Variants in GNA14 observed in about 807,000 individuals in gnomAD.
The protein encoded by GNA14 is G protein subunit alpha 14.
GNA14 carries 50 observed loss-of-function variants against 42.0 expected under a neutral mutation model. The observed-to-expected ratio is 1.19, with a 90% CI of 0.95 to 1.51. The LOEUF (loss-of-function observed/expected upper bound fraction) is 1.51. GNA14 is among the 40% of genes most tolerant of loss of function. The pLI, the probability that GNA14 is intolerant of heterozygous loss-of-function variation, is 0.00. For missense variants in GNA14, 473 were observed against 446.2 expected (o/e 1.06, Z -0.54); for synonymous variants, 173 against 163.1 (o/e 1.06, Z -0.46).
intron 1 of GNA14, among the ~76,000 whole-genome samples, chr9:77,570,860 T>A (rs185375339): frequency 4.6e-5 from 7 of 151,086 alleles, no homozygotes; most frequent in African/African-American, 1.5e-4. Context: ...ACTGGAAATA[T>A]CTGAGCTCTC....
rs1466949356 is a variant in GNA14 at position 77,529,234 on chromosome 9, T to C, written c.144A>G (p.Lys48=). 1 of 1,613,978 alleles carries C rather than the reference T, an allele frequency of 6.2e-7. No homozygotes were observed. Among genetic ancestry groups the C allele is most frequent in the Non-Finnish European group, 8.5e-7 (1 of 1,179,898 alleles). The change falls in exon 2 of 7, where the codon AAA becomes AAG. Residue 48 remains lysine (K), a synonymous_variant. Coordinates refer to ENST00000341700, the MANE Select transcript of GNA14 (RefSeq NM_004297.4). The part of the protein sequence containing the change: ...LLLLGTGESG[K]STFIKQMRII... ...TTCTCATCTGCTTGATAAAGGTGCT[T>C]TTCCCACTTTCACCAGTTCCTATAA... is the stretch of plus-strand genomic sequence containing the variant.
At chr9:77,568,270 G>A (rs1370818654) in intron 1 of GNA14, among the ~76,000 whole-genome samples, 1 of 152,088 alleles carries the variant, frequency 6.6e-6, no homozygotes, top group Non-Finnish European at 1.5e-5. Context: ...GGCCAACATG[G>A]TGAAACCAAA....
chr9:77,647,324 C>G (rs1418282271), intron 1 of GNA14, among the ~76,000 whole-genome samples: 1 of 152,208 alleles, frequency 6.6e-6, no homozygotes, highest in Admixed American at 6.5e-5. Flanking sequence ...TGGGTCACCA[C>G]AGACCCCAAG....
At chr9:77,581,318 G>A (rs1160733032) in intron 1 of GNA14, among the ~76,000 whole-genome samples, 1 of 152,190 alleles carries the variant, frequency 6.6e-6, no homozygotes, top group Non-Finnish European at 1.5e-5. Flanking sequence ...CTAACAGGTT[G>A]ACAGCATAGA....
At chr9:77,641,103 A>G (rs1313300705) in intron 1 of GNA14, among the ~76,000 whole-genome samples, 2 of 766 alleles carry the variant, frequency 2.6e-3, no homozygotes, top group Non-Finnish European at 3.4e-3. Flanking sequence ...AGGGGGGGGA[A>G]GGAAGGAAGG....
At chr9:77,502,042 C>G (rs1227951452) in intron 2 of GNA14, among the ~76,000 whole-genome samples, 1 of 152,202 alleles carries the variant, frequency 6.6e-6, no homozygotes, top group Non-Finnish European at 1.5e-5. Context: ...TTCCAGCTCA[C>G]TGATTCTTTC....
intron 1 of GNA14, among the ~76,000 whole-genome samples, chr9:77,567,221 AG>A (rs1822980835): frequency 6.6e-6 from 1 of 152,210 alleles, no homozygotes; most frequent in Non-Finnish European, 1.5e-5. Flanking sequence ...TTAGGAAGCA[AG>A]ATTATTGACC....
intron 2 of GNA14, among the ~76,000 whole-genome samples, chr9:77,492,966 A>G (rs1836802828): frequency 7.1e-6 from 1 of 140,258 alleles, no homozygotes; most frequent in Non-Finnish European, 1.5e-5. Context: ...ATGCCACTGC[A>G]CTCCAGCCTG....
chr9:77,618,436 C>T (rs987161352), intron 1 of GNA14, among the ~76,000 whole-genome samples: 1 of 151,166 alleles, frequency 6.6e-6, no homozygotes, highest in Non-Finnish European at 1.5e-5. Flanking sequence ...TACAGTAGCT[C>T]TCCAGGGTTC....
intron 1 of GNA14, among the ~76,000 whole-genome samples, chr9:77,555,207 A>G (rs1177174084): frequency 1.3e-5 from 2 of 152,182 alleles, no homozygotes; most frequent in Non-Finnish European, 2.9e-5. Context: ...AAGTTTCAGT[A>G]AAAAATAAAC....
chr9:77,454,215 C>T (rs78044052), intron 2 of GNA14, among the ~76,000 whole-genome samples: 18,470 of 152,216 alleles, frequency 0.12, 1,504 homozygotes, highest in Admixed American at 0.25. Context: ...AAGTCTTCAC[C>T]GTTTCTTACA....
At chr9:77,522,205 C>G (rs570581713) in intron 2 of GNA14, among the ~76,000 whole-genome samples, 1 of 152,282 alleles carries the variant, frequency 6.6e-6, no homozygotes, top group Non-Finnish European at 1.5e-5. Flanking sequence ...TCTTATCCAT[C>G]AGAAGGAAAT....
intron 1 of GNA14, among the ~76,000 whole-genome samples, chr9:77,623,889 C>T (rs779596576): frequency 6.6e-6 from 1 of 152,136 alleles, no homozygotes; most frequent in African/African-American, 2.4e-5. Flanking sequence ...TTCCATACCC[C>T]AGTGGTGCCT....
At chr9:77,458,053 G>A (rs1836036158) in intron 2 of GNA14, among the ~76,000 whole-genome samples, 1 of 152,150 alleles carries the variant, frequency 6.6e-6, no homozygotes, top group Non-Finnish European at 1.5e-5. Flanking sequence ...TCCTTTTGTA[G>A]TGATAGCCCA....
chr9:77,538,938 C>T (rs11145471), intron 1 of GNA14, among the ~76,000 whole-genome samples: 38,037 of 152,000 alleles, frequency 0.25, 8,236 homozygotes, highest in African/African-American at 0.59. Flanking sequence ...AAAAAATAAG[C>T]TTATATCACC....
intron 1 of GNA14, among the ~76,000 whole-genome samples, chr9:77,558,061 G>A (rs1162167261): frequency 1.3e-5 from 2 of 152,114 alleles, no homozygotes; most frequent in African/African-American, 4.8e-5. Context: ...GCTTTCTGGG[G>A]ATTCAGTTGG....
rs114428313 is a variant in GNA14 at position 77,562,265 on chromosome 9, T to C, written c.125-33012A>G. ...GTTTGAGCAGAACAGCTCAGTGCTA[T>C]GGAAAGTCTGGGGAGAAAGAAAGTA... On this transcript the variant is annotated intron_variant, in intron 1 of 6. Coordinates refer to ENST00000341700, the MANE Select transcript of GNA14 (RefSeq NM_004297.4). 5.4e-3 allele frequency among the ~76,000 whole-genome samples: 820 copies of C among 152,236 alleles called. 4 individuals are homozygous for C. The highest frequency in any genetic ancestry group is 0.019 in the African/African-American group (778 of 41,536).
intron 1 of GNA14, among the ~76,000 whole-genome samples, chr9:77,643,705 G>A (rs1029659688): frequency 6.6e-6 from 1 of 152,170 alleles, no homozygotes; most frequent in African/African-American, 2.4e-5. Context: ...AGCAGGAAGA[G>A]GAATTTTAAA....
At chr9:77,515,713 C>A (rs1000624810) in intron 2 of GNA14, among the ~76,000 whole-genome samples, 2 of 151,890 alleles carry the variant, frequency 1.3e-5, no homozygotes, top group African/African-American at 4.8e-5. Context: ...TCAGTAATCC[C>A]AACACTTTGG....
Sources: gnomAD v4.1 joint callset for allele counts (sites outside exome capture counted in the v4.1 genomes callset) on GRCh38, gnomAD v4.1.1 for gene constraint, MANE v1.5 for transcripts, NCBI Gene and HGNC (gene_info 2026-07-23, HGNC 2026-07-21) for gene names.